GRM7: variants seen among roughly 807,000 people sequenced by gnomAD.
GRM7 encodes the protein glutamate metabotropic receptor 7.
GRM7 carries 35 observed loss-of-function variants against 84.5 expected under a neutral mutation model. The observed-to-expected ratio is 0.41, with a 90% CI of 0.32 to 0.55. The LOEUF is 0.55. Among genes scored for constraint, GRM7 ranks in the 20% least tolerant of loss-of-function variants. The pLI is 0.19. For missense variants in GRM7, 1,003 were observed against 1,194.6 expected, an observed-to-expected ratio of 0.84 and a Z score of 2.36; for synonymous variants, 487 against 455.1, an observed-to-expected ratio of 1.07 and a Z score of -0.89.
chr3:6,894,559 A>G (rs1167766002), intron 1 of GRM7, among the ~76,000 whole-genome samples: 2 of 152,128 alleles, frequency 1.3e-5, no homozygotes, highest in Non-Finnish European at 2.9e-5. Context: ...CTATAGGTGT[A>G]TATATATACA....
chr3:7,031,735 C>G (rs78585604), intron 1 of GRM7, among the ~76,000 whole-genome samples: 7 of 152,102 alleles, frequency 4.6e-5, no homozygotes, highest in East Asian at 1.9e-4. Context: ...ATAACATATT[C>G]ATAGATGATT....
chr3:7,270,475 T>A (rs76254914), intron 2 of GRM7, among the ~76,000 whole-genome samples: 31 of 152,214 alleles, frequency 2.0e-4, no homozygotes, highest in Non-Finnish European at 3.7e-4. Flanking sequence ...TAGTTTTTTT[T>A]AGCCTTTCTC....
In GRM7 at chr3:7,553,609, A is replaced by G. The variant is rs910593507; in HGVS notation, c.1516-24813A>G. Reference sequence around the variant, plus strand: ...CAATTATGGTGGAAGGTGAAGAGGGAGCACAAGGCATCTTCTTCATAAGGT... The same window carrying G: ...CAATTATGGTGGAAGGTGAAGAGGGGGCACAAGGCATCTTCTTCATAAGGT... On this transcript the variant is annotated intron_variant, in intron 7 of 9. Coordinates refer to ENST00000357716, the MANE Select transcript of GRM7 (RefSeq NM_000844.4). Among the ~76,000 whole-genome samples the G allele has an allele frequency of 4.6e-5, 7 of 152,300 alleles. No individual in the cohort carries two copies. In the East Asian group the frequency reaches 1.4e-3, roughly 29 times the overall value.
rs1197859388 is a variant in GRM7, at chr3:7,651,996, G to A, written c.2452-28053G>A. ...CTCTTATTCCTTTGGAATTGAACAA[G>A]TTCTTAACAGGACATTTTGACCAAC... On this transcript the variant is annotated intron_variant, in intron 8 of 9. Coordinates refer to ENST00000357716, the MANE Select transcript of GRM7 (RefSeq NM_000844.4). Among the ~76,000 whole-genome samples the A allele has an allele frequency of 2.0e-5, 3 of 152,176 alleles. No individual in the cohort carries two copies. The East Asian group carries it at 5.8e-4, about 29-fold the overall frequency.
In GRM7 at chr3:7,252,723, T is replaced by C. The variant is rs1365581611; in HGVS notation, c.737-45961T>C. ...TCTTTACTGTGAGATGGAGTTTTGC[T>C]GTGTTGCCCAGCTGGAGTGCAGTGG... On this transcript the variant is annotated intron_variant, in intron 2 of 9. Transcript: ENST00000357716. Among the ~76,000 whole-genome samples the C allele has an allele frequency of 2.0e-5, 3 of 151,554 alleles. No homozygotes were observed. The East Asian group carries it at 5.8e-4, about 29-fold the overall frequency.
chr3:7,430,882 A>C (rs2124848166), intron 5 of GRM7, among the ~76,000 whole-genome samples: 1 of 152,340 alleles, frequency 6.6e-6, no homozygotes, highest in Middle Eastern at 3.4e-3. Flanking sequence ...AAGGTCAAAT[A>C]GGCTTGCTTA....
chr3:7,261,322 T>C (rs1357266073), intron 2 of GRM7, among the ~76,000 whole-genome samples: 2 of 152,136 alleles, frequency 1.3e-5, no homozygotes, highest in African/African-American at 2.4e-5. Context: ...TGGTTTTGAG[T>C]GATTTTCTTA....
chr3:6,965,578 T>G (rs1333571664), intron 1 of GRM7, among the ~76,000 whole-genome samples: 2 of 152,032 alleles, frequency 1.3e-5, no homozygotes, highest in African/African-American at 2.4e-5. Flanking sequence ...CAAGAGATCT[T>G]CCTGCCACAG....
intron 2 of GRM7, among the ~76,000 whole-genome samples, chr3:7,197,619 T>A (rs1695920524): frequency 6.6e-6 from 1 of 152,146 alleles, no homozygotes; most frequent in Non-Finnish European, 1.5e-5. Flanking sequence ...TTTTTTCTAG[T>A]CAGTTTGTGT....
At chr3:7,656,350 G>C (rs1699177088) in intron 8 of GRM7, among the ~76,000 whole-genome samples, 1 of 151,898 alleles carries the variant, frequency 6.6e-6, no homozygotes, top group Non-Finnish European at 1.5e-5. Context: ...TTAAATATTA[G>C]CCGGGCATGG....
At chr3:7,117,389 C>A (rs77715342) in intron 1 of GRM7, among the ~76,000 whole-genome samples, 1,608 of 152,330 alleles carry the variant, frequency 0.011, 20 homozygotes, top group African/African-American at 0.037. Flanking sequence ...TAAACCAAGA[C>A]TTTCACCTTT....
intron 1 of GRM7, among the ~76,000 whole-genome samples, chr3:6,877,284 A>T (rs1695344370): frequency 6.6e-6 from 1 of 152,162 alleles, no homozygotes; most frequent in Non-Finnish European, 1.5e-5. Flanking sequence ...CCACAGTGTC[A>T]AAACCAAGAC....
intron 2 of GRM7, among the ~76,000 whole-genome samples, chr3:7,167,428 G>A (rs182678002): frequency 3.9e-5 from 6 of 152,220 alleles, no homozygotes; most frequent in Admixed American, 3.3e-4. Context: ...TTTATAGTTA[G>A]GCTAGAGTCC....
chr3:7,043,671 A>C (rs916897753), intron 1 of GRM7, among the ~76,000 whole-genome samples: 1 of 152,028 alleles, frequency 6.6e-6, no homozygotes, highest in Non-Finnish European at 1.5e-5. Flanking sequence ...ATCTCTCCTG[A>C]CCTCTCTGAA....
intron 7 of GRM7, among the ~76,000 whole-genome samples, chr3:7,510,873 G>A (rs369608703): frequency 1.1e-4 from 16 of 152,122 alleles, no homozygotes; most frequent in East Asian, 9.6e-4. Context: ...CTGTGTTTGC[G>A]CGGCAGTGGC....
intron 1 of GRM7, among the ~76,000 whole-genome samples, chr3:6,880,663 C>A (rs1007971103): frequency 6.6e-6 from 1 of 152,030 alleles, no homozygotes; most frequent in Non-Finnish European, 1.5e-5. Context: ...TCCACTTCTC[C>A]TGTCTGAATT....
chr3:7,208,606 T>A (rs1336199248), intron 2 of GRM7, among the ~76,000 whole-genome samples: 1 of 152,178 alleles, frequency 6.6e-6, no homozygotes, highest in African/African-American at 2.4e-5. Flanking sequence ...GCACCAAGTA[T>A]AATAAACACT....
chr3:7,203,651 G>C (rs1575027207), intron 2 of GRM7, among the ~76,000 whole-genome samples: 1 of 152,098 alleles, frequency 6.6e-6, no homozygotes, highest in African/African-American at 2.4e-5. Context: ...TCTATTTATA[G>C]TTTTTTGAGA....
intron 2 of GRM7, among the ~76,000 whole-genome samples, chr3:7,250,743 C>T (rs1485734103): frequency 1.3e-5 from 2 of 152,086 alleles, no homozygotes; most frequent in Middle Eastern, 3.2e-3. Flanking sequence ...AGGCTGGTCT[C>T]GAACTCCTGA....
Sources: gnomAD v4.1 joint callset for allele counts (sites outside exome capture counted in the v4.1 genomes callset) on GRCh38, gnomAD v4.1.1 for gene constraint, MANE v1.5 for transcripts, NCBI Gene and HGNC (gene_info 2026-07-23, HGNC 2026-07-21) for gene names.